GFRA2: variants seen among roughly 807,000 people sequenced by gnomAD.
GFRA2 encodes GDNF family receptor alpha 2, also known as GDNF family receptor alpha-2.
GFRA2 carries 17 observed loss-of-function variants against 48.3 expected under a neutral mutation model. The ratio of observed to expected loss-of-function variants is 0.35; its 90% CI spans 0.24 to 0.53. The LOEUF (loss-of-function observed/expected upper bound fraction) is 0.53. GFRA2 is among the 20% of genes least tolerant of loss of function. The pLI is 0.93. For missense variants in GFRA2, 660 were observed against 637.3 expected (o/e 1.04, Z -0.38); for synonymous variants, 305 against 257.2 (o/e 1.19, Z -1.78).
chr8:21,763,996 CACACACACACACA>C (rs1806036025), intron 3 of GFRA2, among the ~76,000 whole-genome samples: 2 of 123,666 alleles, frequency 1.6e-5, no homozygotes, highest in African/African-American at 6.6e-5. Context: ...CACACACACA[CACACACACACACA>C]CCAGCTGACT....
intron 3 of GFRA2, among the ~76,000 whole-genome samples, chr8:21,762,505 C>A (rs1805963594): frequency 1.3e-5 from 2 of 152,210 alleles, no homozygotes; most frequent in Admixed American, 1.3e-4. Flanking sequence ...GACACCAGGA[C>A]CACCCAGCAG....
At chr8:21,766,845 A>G (rs373173736) in intron 3 of GFRA2, among the ~76,000 whole-genome samples, 24 of 144,930 alleles carry the variant, frequency 1.7e-4, no homozygotes, top group African/African-American at 5.8e-4. Flanking sequence ...TGCACATCAC[A>G]CCTATGCACA....
At chr8:21,737,227 G>A (rs1585275639) in intron 4 of GFRA2, among the ~76,000 whole-genome samples, 1 of 152,260 alleles carries the variant, frequency 6.6e-6, no homozygotes, top group Non-Finnish European at 1.5e-5. Flanking sequence ...AATTAATCAG[G>A]CATTGGTAGC....
rs567231300 is a variant in GFRA2, at chr8:21,763,696, C to T, written c.439+11276G>A. Among the ~76,000 whole-genome samples, 43 of 152,044 alleles carry T rather than the reference C, an allele frequency of 2.8e-4. No individual in the cohort carries two copies. In the South Asian group the frequency reaches 8.9e-3, roughly 32 times the overall value. On this transcript the variant is annotated intron_variant, in intron 3 of 8. Transcript: ENST00000524240. ...CTTCCAGCTCCCTCTCTGGAATTCC[C>T]ACTCCAGCAAACCCTCAACCTCTCC... is the stretch of plus-strand genomic sequence containing the variant.
At chr8:21,795,297 A>AG (rs1238052380) in intron 2 of GFRA2, among the ~76,000 whole-genome samples, 1 of 152,064 alleles carries the variant, frequency 6.6e-6, no homozygotes, top group Non-Finnish European at 1.5e-5. Flanking sequence ...CATCCCTGGG[A>AG]GGGGGGCGTG....
At chr8:21,743,077 G>A (rs761491979) in intron 4 of GFRA2, among the ~76,000 whole-genome samples, 20 of 152,154 alleles carry the variant, frequency 1.3e-4, no homozygotes, top group Non-Finnish European at 1.9e-4. Context: ...AACATGTCGC[G>A]GGAAATTCCA....
rs764876283 is a variant in GFRA2 at position 21,706,332 on chromosome 8, A to G, written c.795-291T>C. ...AAGGCACAGAAACAGCCTGCTCTAA[A>G]TGGCTCTTTTAGGCTGGAGCCGGGT... is the stretch of plus-strand genomic sequence containing the variant. On this transcript the variant is annotated intron_variant, in intron 4 of 8. Transcript: ENST00000524240. 356 of 543,112 alleles carry G rather than the reference A, an allele frequency of 6.6e-4. 2 individuals are homozygous for G. Among genetic ancestry groups the G allele is most frequent in the Non-Finnish European group, 1.1e-3 (326 of 283,526 alleles). The allele number at this position is 543,112 out of a possible 1,614,324, so 33.6% of individuals were successfully genotyped here. A position where few individuals can be genotyped will look rare whatever the true frequency, so the allele number is the denominator to read the frequency against.
At chr8:21,724,523 T>A (rs570052217) in intron 4 of GFRA2, among the ~76,000 whole-genome samples, 8 of 152,136 alleles carry the variant, frequency 5.3e-5, no homozygotes, top group Non-Finnish European at 1.2e-4. Context: ...CTGCAAGTAA[T>A]GGACTGATAA....
At chr8:21,718,816 C>G (rs929363621) in intron 4 of GFRA2, among the ~76,000 whole-genome samples, 15 of 152,104 alleles carry the variant, frequency 9.9e-5, no homozygotes, top group African/African-American at 3.6e-4. Context: ...AGCAGCAAGG[C>G]CAGAAGACTT....
At chr8:21,751,730 C>A (rs1391223622) in intron 3 of GFRA2, among the ~76,000 whole-genome samples, 2 of 152,222 alleles carry the variant, frequency 1.3e-5, no homozygotes, top group Admixed American at 1.3e-4. Flanking sequence ...ACGTCCCTCT[C>A]ACGTGGGCCA....
intron 4 of GFRA2, among the ~76,000 whole-genome samples, chr8:21,727,192 T>C (rs1452249227): frequency 3.3e-5 from 5 of 152,166 alleles, no homozygotes; most frequent in African/African-American, 1.2e-4. Context: ...TCACCCCAGT[T>C]TGATTCAGAT....
At position 21,750,943 on chromosome 8, in the gene GFRA2, C is replaced by G. The variant is rs369191582; in HGVS notation, c.440-1G>C. The G allele has an allele frequency of 1.5e-5, 24 of 1,606,380 alleles. No homozygotes were observed. The highest frequency in any genetic ancestry group is 2.0e-5 in the Non-Finnish European group (24 of 1,175,208). The stretch of plus-strand genomic sequence containing the variant: ...CTGACCACCGGGTCTGCCCCTGTCC[C>G]TGGAGGAGGAACAAGAGAGCAGGTC... On this transcript the variant is annotated splice_acceptor_variant, in intron 3 of 8. Transcript: ENST00000524240. LOFTEE classifies it high-confidence loss of function. The surrounding 1 kb of genome is among the most constrained non-coding windows in gnomAD (Gnocchi z 5.7).
chr8:21,775,010 C>T lies in GFRA2; in HGVS notation c.401G>A (p.Arg134His), dbSNP rs1396082521. Residue 134 changes from arginine (R) to histidine (H), a missense_variant, in exon 3 of 9, where the codon CGC (arginine) becomes CAC (histidine). Physicochemically the swap from Arg to His is conservative, Grantham distance 29 (BLOSUM62 0). Coordinates refer to ENST00000524240, the MANE Select transcript of GFRA2 (RefSeq NM_001495.5). Reference sequence around the variant, plus strand: ...AGCAAGCCTGAAGATGTCCGAGAGGCGGGAGGTCACCGGCTCATAGGGGGA... The same window carrying T: ...AGCAAGCCTGAAGATGTCCGAGAGGTGGGAGGTCACCGGCTCATAGGGGGA... The part of the protein sequence containing the change: ...EASPYEPVTS[R>H]LSDIFRLASI... 1.7e-5 allele frequency: 28 copies of T among 1,606,288 alleles called. No individual in the cohort carries two copies. The highest frequency in any genetic ancestry group is 5.3e-5 in the African/African-American group (4 of 74,904).
At chr8:21,708,644 G>A (rs1802866679) in intron 4 of GFRA2, among the ~76,000 whole-genome samples, 2 of 152,148 alleles carry the variant, frequency 1.3e-5, no homozygotes, top group Admixed American at 1.3e-4. Context: ...TCCAATGACT[G>A]GTGTCCTCAT....
rs150714897 is a variant in GFRA2, at chr8:21,692,062, C to A, written c.*1216G>T. 6.5e-6 allele frequency: 1 copy of A among 152,736 alleles called. No individual in the cohort carries two copies. The highest frequency in any genetic ancestry group is 1.5e-5 in the Non-Finnish European group (1 of 68,032). 9.5% of individuals were successfully genotyped at this position (152,736 alleles called of 1,614,324 possible). On this transcript the variant is annotated 3_prime_UTR_variant, in exon 9 of 9. Coordinates refer to ENST00000524240, the MANE Select transcript of GFRA2 (RefSeq NM_001495.5). Reference sequence around the variant, plus strand: ...TTGGAGCCTTGGTTAAGCTTGGATGCGGATCAGGAGCCCCCACCAGAGCCC... The same window carrying A: ...TTGGAGCCTTGGTTAAGCTTGGATGAGGATCAGGAGCCCCCACCAGAGCCC...
chr8:21,776,711 T>C (rs1241975918), intron 2 of GFRA2, among the ~76,000 whole-genome samples: 1 of 152,110 alleles, frequency 6.6e-6, no homozygotes, highest in Non-Finnish European at 1.5e-5. Flanking sequence ...CCTCAAGCGA[T>C]CTGTGCACCT....
chr8:21,785,655 C>A (rs1807235372), intron 1 of GFRA2, among the ~76,000 whole-genome samples: 1 of 152,208 alleles, frequency 6.6e-6, no homozygotes, highest in South Asian at 2.1e-4. Flanking sequence ...GCTAGAAAGT[C>A]AGTCGGAAGT....
chr8:21,702,640 C>A (rs28464498), intron 7 of GFRA2, among the ~76,000 whole-genome samples, 165 bp downstream of exon 7: 6,296 of 152,288 alleles, frequency 0.041, 425 homozygotes, highest in African/African-American at 0.14. Flanking sequence ...AAGATGAATG[C>A]CCAAATAAAG....
At chr8:21,697,020 TGAAGGGA>T (rs1802219754) in intron 7 of GFRA2, among the ~76,000 whole-genome samples, 1 of 9,066 alleles carries the variant, frequency 1.1e-4, no homozygotes. Flanking sequence ...GAGGGAGAGA[TGAAGGGA>T]CAGAGGAGAG....
Sources: gnomAD v4.1 joint callset for allele counts (sites outside exome capture counted in the v4.1 genomes callset) on GRCh38, gnomAD v4.1.1 for gene constraint, Gnocchi (gnomAD v3.1) non-coding constraint, MANE v1.5 for transcripts, NCBI Gene and HGNC (gene_info 2026-07-23, HGNC 2026-07-21) for gene names.